Variants in L3MBTL4 observed in about 807,000 individuals in gnomAD.
L3MBTL4 encodes L3MBTL histone methyl-lysine binding protein 4, also known as lethal(3)malignant brain tumor-like protein 4.
A neutral mutation model predicts 84.5 loss-of-function variants in L3MBTL4; 70 were observed. That is an observed-to-expected ratio of 0.83 (90% CI 0.68 to 1.01). The LOEUF (loss-of-function observed/expected upper bound fraction) is 1.01. Among genes scored for constraint, L3MBTL4 ranks in the 50% least tolerant of loss-of-function variants. The pLI is 0.00. For synonymous variants in L3MBTL4, 274 were observed against 259.8 expected (o/e 1.05, Z -0.52); for missense variants, 715 against 754.8 (o/e 0.95, Z 0.62).
At chr18:6,041,954 T>A (rs531972858) in intron 16 of L3MBTL4, among the ~76,000 whole-genome samples, 1 of 152,012 alleles carries the variant, frequency 6.6e-6, no homozygotes, top group Non-Finnish European at 1.5e-5. Flanking sequence ...AACTCTTGGC[T>A]TCAAGTGATC....
chr18:6,011,186 G>A (rs964907802), intron 16 of L3MBTL4, among the ~76,000 whole-genome samples: 1 of 152,116 alleles, frequency 6.6e-6, no homozygotes, highest in Non-Finnish European at 1.5e-5. Context: ...GATTTCTAAA[G>A]AAGACTTAAT....
chr18:6,149,261 A>G (rs1448738586), intron 13 of L3MBTL4, among the ~76,000 whole-genome samples: 2 of 134,492 alleles, frequency 1.5e-5, no homozygotes, highest in Non-Finnish European at 3.0e-5. Context: ...ATGTGTTTTC[A>G]TTGTTCAATT....
intron 16 of L3MBTL4, among the ~76,000 whole-genome samples, chr18:6,048,546 C>T (rs749480726): frequency 6.6e-6 from 1 of 151,990 alleles, no homozygotes; most frequent in African/African-American, 2.4e-5. Flanking sequence ...TCTGTCATCC[C>T]AGCACTGTGG....
At chr18:6,222,760 T>C (rs1052011088) in intron 10 of L3MBTL4, among the ~76,000 whole-genome samples, 3 of 152,074 alleles carry the variant, frequency 2.0e-5, no homozygotes, top group Admixed American at 6.6e-5. Flanking sequence ...TCAATTCATA[T>C]CGTTCAATTC....
At chr18:6,359,143 G>A (rs62079197) in intron 1 of L3MBTL4, among the ~76,000 whole-genome samples, 176 of 152,232 alleles carry the variant, frequency 1.2e-3, no homozygotes, top group Middle Eastern at 6.8e-3. Context: ...TAATTCTCAG[G>A]CCAACATTTA....
intron 1 of L3MBTL4, among the ~76,000 whole-genome samples, chr18:6,408,106 C>T (rs2055811587): frequency 6.6e-6 from 1 of 152,134 alleles, no homozygotes; most frequent in Non-Finnish European, 1.5e-5. Flanking sequence ...CAATGGAAAA[C>T]TGTGAAAAAA....
intron 16 of L3MBTL4, chr18:6,079,805 T>C (rs2058007527): frequency 6.6e-6 from 1 of 152,242 alleles, no homozygotes; most frequent in South Asian, 2.1e-4. Context: ...GAACAGTTTC[T>C]AAAATATCAG....
intron 4 of L3MBTL4, among the ~76,000 whole-genome samples, chr18:6,271,143 TG>T (rs1483090107): frequency 1.3e-5 from 2 of 152,230 alleles, no homozygotes; most frequent in African/African-American, 4.8e-5. Flanking sequence ...CGTTTGTTTT[TG>T]TTTTTGTTTG....
chr18:6,328,056 C>A (rs1206571765), intron 1 of L3MBTL4, among the ~76,000 whole-genome samples: 4 of 152,188 alleles, frequency 2.6e-5, no homozygotes, highest in Non-Finnish European at 4.4e-5. Flanking sequence ...ATGGTGGCAG[C>A]CTGGCAACAG....
At chr18:6,056,229 C>A (rs16949344) in intron 16 of L3MBTL4, among the ~76,000 whole-genome samples, 1 of 152,088 alleles carries the variant, frequency 6.6e-6, no homozygotes, top group African/African-American at 2.4e-5. Flanking sequence ...ATTAAACAAA[C>A]AAGCATGTCA....
At chr18:5,994,111 G>C (rs2053832335) in intron 16 of L3MBTL4, among the ~76,000 whole-genome samples, 1 of 152,108 alleles carries the variant, frequency 6.6e-6, no homozygotes, top group South Asian at 2.1e-4. Flanking sequence ...CTGTCCACCA[G>C]GCCCTCTGCT....
rs1050583427 is a variant in L3MBTL4 at position 5,958,397 on chromosome 18, G to A, written c.1677+1697C>T. On this transcript the variant is annotated intron_variant, in intron 18 of 18. Transcript: ENST00000317931. ...CATTTTCCCCAAGGCAGAGGAGAAT[G>A]AGCCTACATCCATACCCTGACCTGG... Among the ~76,000 whole-genome samples, 4 of 152,294 alleles carry A rather than the reference G, an allele frequency of 2.6e-5. No individual in the cohort carries two copies. The East Asian group carries it at 5.8e-4, about 22-fold the overall frequency.
intron 12 of L3MBTL4, among the ~76,000 whole-genome samples, chr18:6,174,244 T>C (rs1358729588): frequency 6.6e-6 from 1 of 151,932 alleles, no homozygotes; most frequent in Non-Finnish European, 1.5e-5. Flanking sequence ...TTGTGAGCCA[T>C]ACTCAATTTG....
intron 1 of L3MBTL4, among the ~76,000 whole-genome samples, chr18:6,361,455 C>T (rs1023914121): frequency 4.6e-5 from 7 of 152,134 alleles, no homozygotes; most frequent in Admixed American, 3.9e-4. Context: ...CCCACAGATC[C>T]AGGGGTGGCC....
At chr18:6,167,609 A>T (rs1172122485) in intron 13 of L3MBTL4, among the ~76,000 whole-genome samples, 1 of 152,060 alleles carries the variant, frequency 6.6e-6, no homozygotes, top group Non-Finnish European at 1.5e-5. Context: ...CAGAAAAGGC[A>T]TGTGACAAAA....
At chr18:6,363,077 A>G (rs2053779910) in intron 1 of L3MBTL4, among the ~76,000 whole-genome samples, 1 of 152,226 alleles carries the variant, frequency 6.6e-6, no homozygotes, top group South Asian at 2.1e-4. Flanking sequence ...TCTAGGACAT[A>G]TATCGGGGAT....
intron 1 of L3MBTL4, among the ~76,000 whole-genome samples, chr18:6,322,493 GGAAGGAAGGAAA>G (rs1369614931): frequency 0.011 from 1,607 of 142,938 alleles, 22 homozygotes; most frequent in African/African-American, 0.04. Context: ...AAGGAAGGAA[GGAAGGAAGGAAA>G]GAAGGAAAAA....
chr18:6,086,206 G>T (rs2058253649), intron 15 of L3MBTL4, among the ~76,000 whole-genome samples: 1 of 152,104 alleles, frequency 6.6e-6, no homozygotes, highest in Admixed American at 6.6e-5. Flanking sequence ...GTATACAGAT[G>T]ATAAAATGCT....
intron 14 of L3MBTL4, among the ~76,000 whole-genome samples, chr18:6,109,204 C>G (rs2144048100): frequency 6.6e-6 from 1 of 152,218 alleles, no homozygotes; most frequent in South Asian, 2.1e-4. Context: ...GAAAAATGGC[C>G]AATATCTTTT....
Sources: allele counts gnomAD v4.1 joint callset (sites outside exome capture counted in the v4.1 genomes callset), GRCh38; gene constraint gnomAD v4.1.1; transcripts MANE v1.5; gene names NCBI Gene and HGNC (gene_info 2026-07-23, HGNC 2026-07-21).